UTP3: variants seen among roughly 807,000 people sequenced by gnomAD.
UTP3 encodes the protein UTP3 small subunit processome component, also known as something about silencing protein 10.
Under a neutral mutation model 37.9 loss-of-function variants are expected in UTP3, and 19 were observed. The observed-to-expected ratio is 0.50, with a 90% CI of 0.35 to 0.74. UTP3 has a LOEUF of 0.74. UTP3 is among the 30% of genes least tolerant of loss of function. UTP3 has a pLI of 0.01. For missense variants in UTP3, 504 were observed against 570.7 expected, an observed-to-expected ratio of 0.88 and a Z score of 1.19; for synonymous variants, 242 against 218.5, an observed-to-expected ratio of 1.11 and a Z score of -0.95.
In UTP3 at chr4:70,689,094, G is replaced by A. The variant is rs915218268; in HGVS notation, c.417G>A (p.Thr139=). 1 of 1,611,238 alleles carries A rather than the reference G, an allele frequency of 6.2e-7. No individual in the cohort carries two copies. The highest frequency in any genetic ancestry group is 1.3e-5 in the African/African-American group (1 of 74,758). The change falls in exon 1 of 1, where the codon ACG becomes ACA. Residue 139 remains threonine (T), a synonymous_variant. Coordinates refer to ENST00000254803, the MANE Select transcript of UTP3 (RefSeq NM_020368.3). The part of the protein sequence containing the change: ...WGQRKKLYYD[T]DYGSKSRGRQ... ...AGAGGAAAAAACTTTACTATGACAC[G>A]GACTATGGTTCCAAGTCCCGAGGCC...
chr4:70,688,710 T>G lies in UTP3; in HGVS notation c.33T>G (p.Ala11=), dbSNP rs942774331. MVGRSRRRGA[A]KWAAVRAKAG... is the part of the protein sequence containing the mutation. ...GGAGATCCCGGCGGCGCGGAGCAGCTAAGTGGGCAGCTGTGCGAGCCAAGG... is the reference window on the plus strand; with the variant it reads ...GGAGATCCCGGCGGCGCGGAGCAGCGAAGTGGGCAGCTGTGCGAGCCAAGG... The change falls in exon 1 of 1, where the codon GCT becomes GCG. Residue 11 remains alanine (A), a synonymous_variant. Coordinates refer to ENST00000254803, the MANE Select transcript of UTP3 (RefSeq NM_020368.3). 1 of 1,613,852 alleles carries G rather than the reference T, an allele frequency of 6.2e-7. No individual in the cohort carries two copies. The highest frequency in any genetic ancestry group is 8.5e-7 in the Non-Finnish European group (1 of 1,179,990).
At position 70,688,646 on chromosome 4, in the gene UTP3, C is replaced by T. The variant is rs1488702473; in HGVS notation, c.-32C>T. ...CCGAAGTCAGTGGTGGCCGAAAGTCCGGAGTCGCTGTAAAACCTGAGATTG... is the reference window on the plus strand; with the variant it reads ...CCGAAGTCAGTGGTGGCCGAAAGTCTGGAGTCGCTGTAAAACCTGAGATTG... On this transcript the variant is annotated 5_prime_UTR_variant, in exon 1 of 1. Transcript: ENST00000254803. The T allele has an allele frequency of 2.5e-6, 4 of 1,584,262 alleles. No homozygotes were observed. Among genetic ancestry groups the T allele is most frequent in the African/African-American group, 1.3e-5 (1 of 74,380 alleles).
chr4:70,689,571 A>C lies in UTP3; in HGVS notation c.894A>C (p.Ile298=). 3 of 1,614,230 alleles carry C rather than the reference A, an allele frequency of 1.9e-6. No homozygotes were observed. Among genetic ancestry groups the C allele is most frequent in the Non-Finnish European group, 2.5e-6 (3 of 1,180,042 alleles). The change falls in exon 1 of 1, where the codon ATA becomes ATC. Residue 298 remains isoleucine (I), a synonymous_variant. Transcript: ENST00000254803. ...RRVPAHGHPV[I]ERLVTYRNLI... Reference sequence around the variant, plus strand: ...TCCCAGCACATGGACATCCTGTCATAGAAAGGCTTGTTACCTACCGAAATT... The same window carrying C: ...TCCCAGCACATGGACATCCTGTCATCGAAAGGCTTGTTACCTACCGAAATT...
At position 70,689,200 on chromosome 4, in the gene UTP3, G is replaced by C; in HGVS notation, c.523G>C (p.Ala175Pro). Residue 175 changes from alanine (A) to proline (P), a missense_variant, in exon 1 of 1, where the codon GCG becomes CCG. Physicochemically the swap from Ala to Pro is conservative, Grantham distance 27. Coordinates refer to ENST00000254803, the MANE Select transcript of UTP3 (RefSeq NM_020368.3). ...AQIIQRRLAQ[A>P]LQEDDFGVAW... ...GATCATTCAGCGGCGCCTAGCCCAA[G>C]CGCTGCAAGAGGATGATTTTGGTGT... 1 of 1,614,172 alleles carries C rather than the reference G, an allele frequency of 6.2e-7. No individual in the cohort carries two copies. Among genetic ancestry groups the C allele is most frequent in the Non-Finnish European group, 8.5e-7 (1 of 1,180,014 alleles).
In UTP3 at chr4:70,689,387, T is replaced by C; in HGVS notation, c.710T>C (p.Leu237Ser). ...CTGATAGAAGACCTGAAAGTCAAGT[T>C]GACAGAGGTTAAGGATGAGCTGGAG... ...LELIEDLKVKLTEVKDELEPL... is the reference protein window; with the variant it reads ...LELIEDLKVKSTEVKDELEPL... Residue 237 changes from leucine to serine, a missense_variant, in exon 1 of 1, where the codon TTG becomes TCG. Coordinates refer to ENST00000254803, the MANE Select transcript of UTP3 (RefSeq NM_020368.3). 6.2e-7 allele frequency: 1 copy of C among 1,614,146 alleles called. No individual in the cohort carries two copies. The highest frequency in any genetic ancestry group is 8.5e-7 in the Non-Finnish European group (1 of 1,180,026).
chr4:70,688,970 C>G lies in UTP3; in HGVS notation c.293C>G (p.Ala98Gly). 1 of 1,600,350 alleles carries G rather than the reference C, an allele frequency of 6.2e-7. No individual in the cohort carries two copies. ...GAGGACGACGAAGATGGAGGGAATGCGGGGGAGGAGGAGGAGGAGGAGAAT... is the reference window on the plus strand; with the variant it reads ...GAGGACGACGAAGATGGAGGGAATGGGGGGGAGGAGGAGGAGGAGGAGAAT... ...DDEDDEDGGNAGEEEEEENAD... is the reference protein window; with the variant it reads ...DDEDDEDGGNGGEEEEEENAD... Residue 98 changes from alanine to glycine, a missense_variant, in exon 1 of 1, where the codon GCG becomes GGG. Coordinates refer to ENST00000254803, the MANE Select transcript of UTP3 (RefSeq NM_020368.3).
In UTP3 at chr4:70,689,416, T is replaced by C. The variant is rs1739575034; in HGVS notation, c.739T>C (p.Leu247=). 1.2e-6 allele frequency: 2 copies of C among 1,614,024 alleles called. No individual in the cohort carries two copies. Among genetic ancestry groups the C allele is most frequent in the Non-Finnish European group, 8.5e-7 (1 of 1,180,036 alleles). Residue 247 remains leucine, a synonymous_variant, in exon 1 of 1, where the codon TTG becomes CTG. Transcript: ENST00000254803. Reference sequence around the variant, plus strand: ...AGAGGTTAAGGATGAGCTGGAGCCATTGTTAGAGTTGGTGGAACAAGGGAT... The same window carrying C: ...AGAGGTTAAGGATGAGCTGGAGCCACTGTTAGAGTTGGTGGAACAAGGGAT... ...LTEVKDELEP[L]LELVEQGIIP...
Position 70,688,607 on chromosome 4 carries a change from G to T in UTP3, c.-71G>T. The T allele has an allele frequency of 4.7e-6, 7 of 1,475,036 alleles. No homozygotes were observed. The highest frequency in any genetic ancestry group is 6.4e-6 in the Non-Finnish European group (7 of 1,098,628). 91.4% of individuals were successfully genotyped at this position (1,475,036 alleles called of 1,614,324 possible). A position where few individuals can be genotyped will look rare whatever the true frequency, so the allele number is the denominator to read the frequency against. ...GTTTAGAGCCACGAGTTACCGGAGCGCCTGATTCCTGCGCCGAAGTCAGTG... is the reference window on the plus strand; with the variant it reads ...GTTTAGAGCCACGAGTTACCGGAGCTCCTGATTCCTGCGCCGAAGTCAGTG... On this transcript the variant is annotated 5_prime_UTR_variant, in exon 1 of 1. Transcript: ENST00000254803.
Position 70,689,600 on chromosome 4 carries a change from T to C in UTP3, c.923T>C (p.Ile308Thr). The stretch of plus-strand genomic sequence containing the variant: ...AGGCTTGTTACCTACCGAAATTTGA[T>C]CAACAAGCTGTCCGTTGTGGATCAG... ...IERLVTYRNL[I>T]NKLSVVDQKL... is the part of the protein sequence containing the mutation. The change falls in exon 1 of 1, where the codon ATC (isoleucine) becomes ACC (threonine). Residue 308 changes from isoleucine (I) to threonine (T), a missense_variant. By Grantham distance (89) the Ile-to-Thr change is moderately conservative. Transcript: ENST00000254803. The C allele has an allele frequency of 6.2e-7, 1 of 1,614,190 alleles. No individual in the cohort carries two copies. The highest frequency in any genetic ancestry group is 8.5e-7 in the Non-Finnish European group (1 of 1,180,038).
chr4:70,688,971 G>T lies in UTP3; in HGVS notation c.294G>T (p.Ala98=). 6.2e-7 allele frequency: 1 copy of T among 1,601,958 alleles called. No homozygotes were observed. The highest frequency in any genetic ancestry group is 1.7e-5 in the Admixed American group (1 of 59,456). ...AGGACGACGAAGATGGAGGGAATGC[G>T]GGGGAGGAGGAGGAGGAGGAGAATG... ...DDEDDEDGGN[A]GEEEEEENAD... Residue 98 remains alanine, a synonymous_variant, in exon 1 of 1, where the codon GCG becomes GCT. Transcript: ENST00000254803.
In UTP3 at chr4:70,690,028, G is replaced by T; in HGVS notation, c.1351G>T (p.Val451Phe). Residue 451 changes from valine to phenylalanine, a missense_variant, in exon 1 of 1, where the codon GTT becomes TTT. Physicochemically the swap from Val to Phe is conservative, Grantham distance 50. Coordinates refer to ENST00000254803, the MANE Select transcript of UTP3 (RefSeq NM_020368.3). ...RRAKIRRRGQ[V>F]REVRKEEQRY... is the part of the protein sequence containing the mutation. Reference sequence around the variant, plus strand: ...AGCCAAAATTAGAAGAAGAGGCCAGGTTCGTGAAGTTCGTAAAGAAGAGCA... The same window carrying T: ...AGCCAAAATTAGAAGAAGAGGCCAGTTTCGTGAAGTTCGTAAAGAAGAGCA... 1 of 1,614,092 alleles carries T rather than the reference G, an allele frequency of 6.2e-7. No homozygotes were observed.
chr4:70,689,819 A>G lies in UTP3; in HGVS notation c.1142A>G (p.Glu381Gly). 1 of 1,613,596 alleles carries G rather than the reference A, an allele frequency of 6.2e-7. No homozygotes were observed. The highest frequency in any genetic ancestry group is 8.5e-7 in the Non-Finnish European group (1 of 1,179,926). Residue 381 changes from glutamate to glycine, a missense_variant, in exon 1 of 1, where the codon GAA becomes GGA. Glu to Gly is a moderately conservative substitution (Grantham distance 98). Coordinates refer to ENST00000254803, the MANE Select transcript of UTP3 (RefSeq NM_020368.3). ...DEKAKLKYYKEIEDRQKLKRK... is the reference protein window; with the variant it reads ...DEKAKLKYYKGIEDRQKLKRK... ...AAAGCAAAACTGAAGTACTATAAAGAAATAGAAGACAGGCAAAAGCTAAAG... is the reference window on the plus strand; with the variant it reads ...AAAGCAAAACTGAAGTACTATAAAGGAATAGAAGACAGGCAAAAGCTAAAG...
chr4:70,689,488 C>T lies in UTP3; in HGVS notation c.811C>T (p.Leu271Phe), dbSNP rs752471235. The T allele has an allele frequency of 1.2e-6, 2 of 1,614,058 alleles. No individual in the cohort carries two copies. The highest frequency in any genetic ancestry group is 3.3e-5 in the Admixed American group (2 of 59,998). The change falls in exon 1 of 1, where the codon CTC becomes TTC. Residue 271 changes from leucine to phenylalanine, a missense_variant. Leu to Phe is a conservative substitution (Grantham distance 22). Coordinates refer to ENST00000254803, the MANE Select transcript of UTP3 (RefSeq NM_020368.3). The stretch of plus-strand genomic sequence containing the variant: ...CCAATACTTGAGGACCAAGTACAAC[C>T]TCTACTTGAATTATTGCTCGAACAT... ...GSQYLRTKYN[L>F]YLNYCSNISF... is the part of the protein sequence containing the mutation.
chr4:70,689,311 G>C lies in UTP3; in HGVS notation c.634G>C (p.Val212Leu), dbSNP rs1739573457. The change falls in exon 1 of 1, where the codon GTG becomes CTG. Residue 212 changes from valine to leucine, a missense_variant. Coordinates refer to ENST00000254803, the MANE Select transcript of UTP3 (RefSeq NM_020368.3). ...CGTGAAGGATTTGGCTAAAGTTTCA[G>C]TGAAAGAGAAGCTGAAAATGTTGCG... ...RVVKDLAKVS[V>L]KEKLKMLRKE... The C allele has an allele frequency of 1.2e-6, 2 of 1,614,090 alleles. No individual in the cohort carries two copies. The highest frequency in any genetic ancestry group is 1.7e-6 in the Non-Finnish European group (2 of 1,180,042).
At position 70,688,558 on chromosome 4, in the gene UTP3, C is replaced by T. The variant is rs3733488; in HGVS notation, c.-120C>T. 0.073 allele frequency: 74,511 copies of T among 1,023,324 alleles called. 3,023 individuals are homozygous for T. Among genetic ancestry groups the T allele is most frequent in the South Asian group, 0.09 (5,475 of 60,576 alleles). 63.4% of individuals were successfully genotyped at this position (1,023,324 alleles called of 1,614,324 possible). On this transcript the variant is annotated 5_prime_UTR_variant, in exon 1 of 1. Transcript: ENST00000254803. ...GTAGCCGATCAGGAGTCTGCAAACT[C>T]CGGTGGTAGGGGAGCGCGCTGCTGT...
Position 70,689,043 on chromosome 4 carries a change from T to C in UTP3, c.366T>C (p.Ser122=), listed in dbSNP as rs144519797. ...CCGTGCAAAGTGAAGCTGAGGCCTC[T>C]GTGGATCCCAGTTTGTCGTGGGGTC... ...GSSVQSEAEA[S]VDPSLSWGQR... Residue 122 remains serine (S), a synonymous_variant, in exon 1 of 1, where the codon TCT becomes TCC. Coordinates refer to ENST00000254803, the MANE Select transcript of UTP3 (RefSeq NM_020368.3). 1.9e-6 allele frequency: 3 copies of C among 1,589,752 alleles called. No individual in the cohort carries two copies. Among genetic ancestry groups the C allele is most frequent in the Admixed American group, 1.7e-5 (1 of 57,970 alleles).
chr4:70,688,543 A>G lies in UTP3; in HGVS notation c.-135A>G, dbSNP rs1739552720. 1 of 840,868 alleles carries G rather than the reference A, an allele frequency of 1.2e-6. No individual in the cohort carries two copies. The highest frequency in any genetic ancestry group is 1.8e-6 in the Non-Finnish European group (1 of 552,444). 52.1% of individuals were successfully genotyped at this position (840,868 alleles called of 1,614,324 possible). ...GAAGAGGAAATTCCAGTAGCCGATCAGGAGTCTGCAAACTCCGGTGGTAGG... is the reference window on the plus strand; with the variant it reads ...GAAGAGGAAATTCCAGTAGCCGATCGGGAGTCTGCAAACTCCGGTGGTAGG... On this transcript the variant is annotated 5_prime_UTR_variant, in exon 1 of 1. Transcript: ENST00000254803.
chr4:70,688,902 C>T lies in UTP3; in HGVS notation c.225C>T (p.Gly75=), dbSNP rs1322183955. The change falls in exon 1 of 1, where the codon GGC becomes GGT. Residue 75 remains glycine (G), a synonymous_variant. Transcript: ENST00000254803. ...TACAGAGTGGAGACGAGGAGGATGG[C>T]GAGGAGGAGGAGGAGGAGGTGCTAG... ...NEVQSGDEED[G]EEEEEEVLAL... 8 of 1,611,348 alleles carry T rather than the reference C, an allele frequency of 5.0e-6. No individual in the cohort carries two copies. The highest frequency in any genetic ancestry group is 6.8e-6 in the Non-Finnish European group (8 of 1,178,762).
rs1249037198 is a variant in UTP3, at chr4:70,688,608, C to T, written c.-70C>T. ...TTTAGAGCCACGAGTTACCGGAGCG[C>T]CTGATTCCTGCGCCGAAGTCAGTGG... On this transcript the variant is annotated 5_prime_UTR_variant, in exon 1 of 1. Transcript: ENST00000254803. 6.7e-7 allele frequency: 1 copy of T among 1,486,794 alleles called. No individual in the cohort carries two copies. 92.1% of individuals were successfully genotyped at this position (1,486,794 alleles called of 1,614,324 possible).
Sources: gnomAD v4.1 joint callset for allele counts on GRCh38, gnomAD v4.1.1 for gene constraint, MANE v1.5 for transcripts, NCBI Gene and HGNC (gene_info 2026-07-23, HGNC 2026-07-21) for gene names.